NUP210: variants seen among roughly 807,000 people sequenced by gnomAD.
The protein encoded by NUP210 is nucleoporin 210, also known as nuclear pore membrane glycoprotein 210.
Under a neutral mutation model 196.0 loss-of-function variants are expected in NUP210, and 151 were observed. The observed-to-expected ratio is 0.77, with a 90% CI of 0.67 to 0.88. The LOEUF (loss-of-function observed/expected upper bound fraction) is 0.88, where lower values mean the gene tolerates loss of function less well. Ranked by LOEUF, NUP210 falls within the 40% of genes least tolerant of loss-of-function variation. NUP210 has a pLI of 0.00. For missense variants in NUP210, 2,314 were observed against 2,493.7 expected, an observed-to-expected ratio of 0.93 and a Z score of 1.53; for synonymous variants, 1,070 against 1,052.7, an observed-to-expected ratio of 1.02 and a Z score of -0.32.
At chr3:13,397,152 G>A (rs1482353483) in intron 3 of NUP210, among the ~76,000 whole-genome samples, 3 of 152,130 alleles carry the variant, frequency 2.0e-5, no homozygotes, top group Admixed American at 1.3e-4. Flanking sequence ...CGACACCACC[G>A]AGGGCTTGAG....
intron 26 of NUP210, among the ~76,000 whole-genome samples, chr3:13,337,448 C>G (rs770545163): frequency 6.6e-6 from 1 of 152,224 alleles, no homozygotes; most frequent in Non-Finnish European, 1.5e-5. Context: ...GCCCTGGGCA[C>G]GGGTCTTAAG....
At chr3:13,369,633 G>A (rs539973724) in intron 13 of NUP210, among the ~76,000 whole-genome samples, 27 of 152,232 alleles carry the variant, frequency 1.8e-4, no homozygotes, top group African/African-American at 6.0e-4. Context: ...TATGCATGTC[G>A]ATACGTGGTT....
intron 14 of NUP210, among the ~76,000 whole-genome samples, chr3:13,365,202 C>G (rs2124899614): frequency 1.3e-5 from 2 of 152,344 alleles, no homozygotes; most frequent in East Asian, 3.9e-4. Flanking sequence ...TCTTTTTTAT[C>G]CGTGTATAAT....
At chr3:13,373,364 G>A (rs6810132) in intron 12 of NUP210, among the ~76,000 whole-genome samples, 88,260 of 152,176 alleles carry the variant, frequency 0.58, 26,775 homozygotes, top group African/African-American at 0.76. Flanking sequence ...TCGGAGCCTG[G>A]TGGTGCCCTT....
intron 3 of NUP210, 122 bp downstream of exon 3, chr3:13,397,235 G>A: frequency 8.3e-7 from 1 of 1,200,512 alleles, no homozygotes; most frequent in Non-Finnish European, 1.1e-6. Flanking sequence ...GACCAGAGCT[G>A]CCCTCTAGGG....
Position 13,397,287 on chromosome 3 carries a change from G to C in NUP210, c.436+70C>G. 4 of 1,551,812 alleles carry C rather than the reference G, an allele frequency of 2.6e-6. No homozygotes were observed. The East Asian group carries it at 9.7e-5, about 38-fold the overall frequency. ...GCCAGAGGAGTGGGGAATGCAGAGA[G>C]GCCAGAGTCATGGTGGGGGGATGAT... On this transcript the variant is annotated intron_variant, in intron 3 of 39. Transcript: ENST00000254508.
In NUP210 at chr3:13,328,771, CT is replaced by C. The variant is rs760344495; in HGVS notation, c.4285del (p.Arg1429GlufsTer25). 1 of 1,613,938 alleles carries C rather than the reference CT, an allele frequency of 6.2e-7. No individual in the cohort carries two copies. Among genetic ancestry groups the C allele is most frequent in the South Asian group, 1.1e-5 (1 of 91,078 alleles). On this transcript the variant is annotated frameshift_variant and splice_region_variant, in exon 31 of 40. Transcript: ENST00000254508. LOFTEE classifies it high-confidence loss of function. ...HSSVLNFATN[R>X]DDFVQIGKGP... ...GAAATGACCCTTGCCCACATCCTAC[CT>C]GTTAGTGGCAAAGTTGAGGACCGAA...
At chr3:13,330,003 G>A (rs1390291400) in intron 30 of NUP210, among the ~76,000 whole-genome samples, 1 of 152,254 alleles carries the variant, frequency 6.6e-6, no homozygotes, top group African/African-American at 2.4e-5. Context: ...GTCACGTACT[G>A]GATGTCACGA....
intron 34 of NUP210, 125 bp from the exon 35 acceptor site, chr3:13,322,464 C>T: frequency 2.9e-6 from 3 of 1,051,654 alleles, no homozygotes; most frequent in Admixed American, 2.3e-5. Context: ...TCCAGCAGGG[C>T]CCCAGGGCGG....
chr3:13,406,804 C>T lies in NUP210; in HGVS notation c.168-6943G>A, dbSNP rs369021363. Among the ~76,000 whole-genome samples the T allele has an allele frequency of 2.8e-4, 43 of 152,326 alleles. 4 individuals are homozygous for T. The highest frequency in any genetic ancestry group is 2.5e-3 in the South Asian group (12 of 4,828). ...CCTCAGCAGGTGGGCGGCATGTCTG[C>T]CCTACCCTCCCACTCACCAACACCT... is the stretch of plus-strand genomic sequence containing the variant. On this transcript the variant is annotated intron_variant, in intron 1 of 39. Transcript: ENST00000254508.
intron 3 of NUP210, among the ~76,000 whole-genome samples, chr3:13,392,480 GT>G (rs1699522816): frequency 6.6e-6 from 1 of 152,196 alleles, no homozygotes; most frequent in Non-Finnish European, 1.5e-5. Context: ...AAACTCTATG[GT>G]TTCCTGAAAA....
rs1037673944 is a variant in NUP210 at position 13,347,848 on chromosome 3, C to A, written c.2835+4031G>T. 6.6e-6 allele frequency among the ~76,000 whole-genome samples: 1 copy of A among 152,238 alleles called. No homozygotes were observed. The highest frequency in any genetic ancestry group is 2.4e-5 in the African/African-American group (1 of 41,454). ...CTCCCTGGAAAATTCCTCCTGCAGGCTTCAGAAGAGACCAGAGGAACCAGG... is the reference window on the plus strand; with the variant it reads ...CTCCCTGGAAAATTCCTCCTGCAGGATTCAGAAGAGACCAGAGGAACCAGG... On this transcript the variant is annotated intron_variant, in intron 20 of 39. Coordinates refer to ENST00000254508, the MANE Select transcript of NUP210 (RefSeq NM_024923.4). The surrounding 1 kb of genome is among the most constrained non-coding windows in gnomAD (Gnocchi z 4.7).
intron 4 of NUP210, among the ~76,000 whole-genome samples, chr3:13,389,813 A>G (rs1699426122): frequency 2.0e-5 from 3 of 152,196 alleles, no homozygotes; most frequent in African/African-American, 7.2e-5. Context: ...AGGGGTGAGA[A>G]AGCGCAGAGG....
chr3:13,350,918 T>C lies in NUP210; in HGVS notation c.2835+961A>G, dbSNP rs1315851777. On this transcript the variant is annotated intron_variant, in intron 20 of 39. Coordinates refer to ENST00000254508, the MANE Select transcript of NUP210 (RefSeq NM_024923.4). The surrounding 1 kb of genome is among the most constrained non-coding windows in gnomAD (Gnocchi z 4.1). ...TTTCACCGTGTTAGCCAGGATGGTC[T>C]CAATCTCCTGACCTTGTGATCAGCC... Among the ~76,000 whole-genome samples, 1 of 152,016 alleles carries C rather than the reference T, an allele frequency of 6.6e-6. No individual in the cohort carries two copies. Among genetic ancestry groups the C allele is most frequent in the African/African-American group, 2.4e-5 (1 of 41,386 alleles).
Position 13,353,553 on chromosome 3 carries a change from C to G in NUP210, c.2628+1G>C. ...ACCCACCACTGGGCCCTGGGAGATA[C>G]CGGCTGCTTTGTTCTGGCAGAGCTG... is the stretch of plus-strand genomic sequence containing the variant. On this transcript the variant is annotated splice_donor_variant, in intron 18 of 39. Coordinates refer to ENST00000254508, the MANE Select transcript of NUP210 (RefSeq NM_024923.4). LOFTEE classifies it high-confidence loss of function. 6.2e-7 allele frequency: 1 copy of G among 1,613,256 alleles called. No individual in the cohort carries two copies. The highest frequency in any genetic ancestry group is 8.5e-7 in the Non-Finnish European group (1 of 1,179,272).
rs1188252355 is a variant in NUP210 at position 13,350,472 on chromosome 3, CAAAACAAAAA to C, written c.2835+1397_2835+1406del. 1.3e-5 allele frequency among the ~76,000 whole-genome samples: 1 copy of C among 78,730 alleles called. No homozygotes were observed. Among genetic ancestry groups the C allele is most frequent in the African/African-American group, 4.2e-5 (1 of 23,970 alleles). 51.6% of individuals were successfully genotyped at this position (78,730 alleles called of 152,430 possible). A position where few individuals can be genotyped will look rare whatever the true frequency, so the allele number is the denominator to read the frequency against. On this transcript the variant is annotated intron_variant, in intron 20 of 39. Transcript: ENST00000254508. This position sits in a 1 kb window ranked among gnomAD's most constrained non-coding sequence, Gnocchi z 4.1. ...CAAAACAAAACAAAACAAAACAAAA[CAAAACAAAAA>C]ACAAAACAAAACAGGAAAACATGAC...
chr3:13,348,979 C>T lies in NUP210; in HGVS notation c.2835+2900G>A, dbSNP rs149996327. ...TCTTGAAAATCAGAAGCTCTTGCCT[C>T]ACAGGCCCACACCCCCACACATCAA... On this transcript the variant is annotated intron_variant, in intron 20 of 39. Coordinates refer to ENST00000254508, the MANE Select transcript of NUP210 (RefSeq NM_024923.4). This position sits in a 1 kb window ranked among gnomAD's most constrained non-coding sequence, Gnocchi z 4.0. The T allele has an allele frequency of 2.4e-4, 197 of 836,734 alleles. 1 individual carries two copies. The African/African-American group carries it at 3.4e-3, about 14-fold the overall frequency. 51.8% of individuals were successfully genotyped at this position (836,734 alleles called of 1,614,324 possible).
chr3:13,401,892 T>TA (rs202054040), intron 1 of NUP210, among the ~76,000 whole-genome samples: 5,804 of 146,306 alleles, frequency 0.04, 200 homozygotes, highest in East Asian at 0.18. Context: ...AAAACTGCTT[T>TA]AAAAAAAAAA....
chr3:13,411,622 A>C (rs555522947), intron 1 of NUP210, among the ~76,000 whole-genome samples: 1 of 152,122 alleles, frequency 6.6e-6, no homozygotes, highest in East Asian at 1.9e-4. Flanking sequence ...GGCTGTGGCC[A>C]GGAAGGGCAG....
Sources: gnomAD v4.1 joint callset for allele counts (sites outside exome capture counted in the v4.1 genomes callset) on GRCh38, gnomAD v4.1.1 for gene constraint, Gnocchi (gnomAD v3.1) non-coding constraint, MANE v1.5 for transcripts, NCBI Gene and HGNC (gene_info 2026-07-23, HGNC 2026-07-21) for gene names.